Variants in SHISA9 observed in about 807,000 individuals in gnomAD.
SHISA9 encodes protein shisa-9.
SHISA9 carries 13 observed loss-of-function variants against 38.0 expected under a neutral mutation model. The ratio of observed to expected loss-of-function variants is 0.34; its 90% CI spans 0.22 to 0.54. The LOEUF (loss-of-function observed/expected upper bound fraction) is 0.54, where lower values mean the gene tolerates loss of function less well. Ranked by LOEUF, SHISA9 falls within the 20% of genes least tolerant of loss-of-function variation. The probability of loss-of-function intolerance (pLI) is 0.91; values close to 1 mark genes in which losing one functional copy is unlikely to be tolerated. For synonymous variants in SHISA9, 275 were observed against 242.0 expected (o/e 1.14, Z -1.27); for missense variants, 538 against 575.8 (o/e 0.93, Z 0.67).
chr16:13,221,091 A>G (rs2051220037), intron 4 of SHISA9, among the ~76,000 whole-genome samples: 1 of 152,102 alleles, frequency 6.6e-6, no homozygotes, highest in African/African-American at 2.4e-5. Flanking sequence ...TTAAGACTAA[A>G]AAAGGGCCAG....
chr16:13,423,950 T>C, the SHISA9 span, among the ~76,000 whole-genome samples: 1 of 152,220 alleles, frequency 6.6e-6, no homozygotes. Context: ...CTACTATCTT[T>C]ATGTCAGGAA....
chr16:12,961,903 AC>A (rs1472128527), intron 2 of SHISA9, among the ~76,000 whole-genome samples: 2 of 152,162 alleles, frequency 1.3e-5, no homozygotes, highest in Non-Finnish European at 2.9e-5. Context: ...AGGGAGTCAC[AC>A]CTTCCAGTCT....
chr16:13,310,092 T>C, the SHISA9 span, among the ~76,000 whole-genome samples: 1 of 152,170 alleles, frequency 6.6e-6, no homozygotes, highest in South Asian at 2.1e-4. Context: ...TTCACCATGT[T>C]GGCCAGGCTG....
chr16:12,937,102 T>C (rs980696527), intron 2 of SHISA9, among the ~76,000 whole-genome samples: 6 of 152,192 alleles, frequency 3.9e-5, no homozygotes, highest in African/African-American at 1.2e-4. Context: ...TGCATATTTT[T>C]TGAAATTTTA....
At chr16:13,541,898 G>A in the SHISA9 span, among the ~76,000 whole-genome samples, 1 of 152,202 alleles carries the variant, frequency 6.6e-6, no homozygotes, top group African/African-American at 2.4e-5. Context: ...ATACTGGGTC[G>A]AATGCTGCCC....
At chr16:12,986,527 G>T (rs1347714797) in intron 2 of SHISA9, among the ~76,000 whole-genome samples, 1 of 152,178 alleles carries the variant, frequency 6.6e-6, no homozygotes, top group Non-Finnish European at 1.5e-5. Context: ...TGGTGGTAAA[G>T]GGAATTCAGG....
chr16:13,332,631 G>C, the SHISA9 span: 1 of 152,156 alleles, frequency 6.6e-6, no homozygotes, highest in African/African-American at 2.4e-5. Flanking sequence ...AAGCAGCACT[G>C]TTCAGACAGG....
the SHISA9 span, among the ~76,000 whole-genome samples, chr16:13,246,592 G>C: frequency 1.3e-5 from 2 of 152,180 alleles, no homozygotes; most frequent in South Asian, 4.1e-4. Context: ...CACTGGGTTA[G>C]GCACTGTAAA....
At chr16:13,113,683 C>T (rs1275770603) in intron 2 of SHISA9, among the ~76,000 whole-genome samples, 1 of 152,104 alleles carries the variant, frequency 6.6e-6, no homozygotes, top group Non-Finnish European at 1.5e-5. Flanking sequence ...GGGACCCAGC[C>T]AAGGAATTGA....
At chr16:13,046,778 T>C (rs183118232) in intron 2 of SHISA9, among the ~76,000 whole-genome samples, 399 of 152,282 alleles carry the variant, frequency 2.6e-3, no homozygotes, top group Non-Finnish European at 4.9e-3. Context: ...GACACTTTCA[T>C]CTCATTCACC....
At chr16:13,126,366 G>T (rs893493879) in intron 2 of SHISA9, among the ~76,000 whole-genome samples, 3 of 152,082 alleles carry the variant, frequency 2.0e-5, no homozygotes, top group African/African-American at 7.2e-5. Flanking sequence ...CATAACCAAA[G>T]CATTGCATAA....
At chr16:12,935,940 C>T (rs980369340) in intron 2 of SHISA9, among the ~76,000 whole-genome samples, 8 of 150,858 alleles carry the variant, frequency 5.3e-5, no homozygotes, top group African/African-American at 1.7e-4. Context: ...CAGGAGGGAA[C>T]GTGTTCTCAG....
chr16:13,486,609 CT>C, the SHISA9 span, among the ~76,000 whole-genome samples: 1 of 152,084 alleles, frequency 6.6e-6, no homozygotes, highest in Non-Finnish European at 1.5e-5. Context: ...TGGAACCATT[CT>C]TTTTTTTAGT....
chr16:13,458,148 T>C, the SHISA9 span, among the ~76,000 whole-genome samples: 1 of 152,186 alleles, frequency 6.6e-6, no homozygotes, highest in Non-Finnish European at 1.5e-5. Context: ...AAGGATAACA[T>C]AGACATTCCA....
intron 2 of SHISA9, among the ~76,000 whole-genome samples, chr16:13,136,587 A>G (rs1387818688): frequency 1.3e-5 from 2 of 151,498 alleles, no homozygotes; most frequent in East Asian, 3.9e-4. Context: ...TTTAGTAGAG[A>G]AGGGGTTTCA....
chr16:12,948,668 C>T (rs755467982), intron 2 of SHISA9, among the ~76,000 whole-genome samples: 4 of 152,174 alleles, frequency 2.6e-5, no homozygotes, highest in Non-Finnish European at 5.9e-5. Context: ...CTGTCTCATA[C>T]AGGCATTAAT....
At chr16:13,106,253 C>G (rs917615013) in intron 2 of SHISA9, among the ~76,000 whole-genome samples, 1 of 152,110 alleles carries the variant, frequency 6.6e-6, no homozygotes, top group African/African-American at 2.4e-5. Context: ...GTACATCTGC[C>G]TCCCTTGTGC....
intron 2 of SHISA9, among the ~76,000 whole-genome samples, chr16:13,008,025 C>A (rs1234286956): frequency 6.6e-6 from 1 of 152,188 alleles, no homozygotes; most frequent in East Asian, 1.9e-4. Context: ...GACTCTCTTC[C>A]TGACGGTTTT....
intron 2 of SHISA9, among the ~76,000 whole-genome samples, chr16:13,049,731 C>G (rs760161886): frequency 6.6e-6 from 1 of 152,082 alleles, no homozygotes. Context: ...GCTTCTCCTC[C>G]TTGGGCAGTG....
Sources: gnomAD v4.1 joint callset for allele counts (sites outside exome capture counted in the v4.1 genomes callset) on GRCh38, gnomAD v4.1.1 for gene constraint, MANE v1.5 for transcripts, NCBI Gene and HGNC (gene_info 2026-07-23, HGNC 2026-07-21) for gene names.